The following MDFIC variants were observed in gnomAD, a reference collection of about 807,000 sequenced individuals.
The protein encoded by MDFIC is myoD family inhibitor domain-containing protein.
MDFIC carries 17 observed loss-of-function variants against 23.2 expected under a neutral mutation model. That is an observed-to-expected ratio of 0.73 (90% confidence interval 0.50 to 1.10). MDFIC has a LOEUF of 1.10. Ranked by LOEUF, MDFIC falls within the 50% of genes least tolerant of loss-of-function variation. The pLI is 0.00. For synonymous variants in MDFIC, 120 were observed against 115.2 expected, an observed-to-expected ratio of 1.04 and a Z score of -0.27; for missense variants, 356 against 316.6, an observed-to-expected ratio of 1.12 and a Z score of -0.95.
chr7:114,934,946 C>T (rs1328656603), intron 2 of MDFIC, among the ~76,000 whole-genome samples: 2 of 151,918 alleles, frequency 1.3e-5, no homozygotes, highest in African/African-American at 2.4e-5. Context: ...GTTTTTGGAT[C>T]AGTGAAGAAG....
rs2115961974 is a variant in MDFIC, at chr7:114,979,771, T to C, written c.483T>C (p.Ser161=). ...VNAVFSQKTG[S]SPEDCCVHCI... Reference sequence around the variant, plus strand: ...CTGTCTTTTCCCAAAAGACAGGCTCTTCACCTGAAGGTAAGTTTGAGATAT... The same window carrying C: ...CTGTCTTTTCCCAAAAGACAGGCTCCTCACCTGAAGGTAAGTTTGAGATAT... The change falls in exon 4 of 5, where the codon TCT becomes TCC. Residue 161 remains serine (S), a synonymous_variant. Transcript: ENST00000393486. The C allele has an allele frequency of 6.2e-7, 1 of 1,613,434 alleles. No homozygotes were observed. The highest frequency in any genetic ancestry group is 2.2e-5 in the East Asian group (1 of 44,872).
At chr7:115,011,731 A>T (rs1181493658) in intron 4 of MDFIC, among the ~76,000 whole-genome samples, 1 of 152,232 alleles carries the variant, frequency 6.6e-6, no homozygotes, top group Non-Finnish European at 1.5e-5. Context: ...TGGAAGAAAT[A>T]TTAATTCTCA....
chr7:114,956,348 T>TAC (rs35201842), intron 3 of MDFIC, among the ~76,000 whole-genome samples: 86 of 120,166 alleles, frequency 7.2e-4, no homozygotes, highest in East Asian at 6.9e-3. Context: ...TATATATATA[T>TAC]ACACACACAC....
chr7:114,968,291 A>G (rs966234949), intron 3 of MDFIC, among the ~76,000 whole-genome samples: 4 of 152,218 alleles, frequency 2.6e-5, no homozygotes, highest in Non-Finnish European at 4.4e-5. Flanking sequence ...AAATTAAAAC[A>G]TGGGCAAGAT....
At chr7:114,967,830 C>CTTTTTTTTTTTTTTT (rs56343596) in intron 3 of MDFIC, among the ~76,000 whole-genome samples, 5 of 118,806 alleles carry the variant, frequency 4.2e-5, no homozygotes, top group East Asian at 2.3e-4. Flanking sequence ...TCTTTCTTTT[C>CTTTTTTTTTTTTTTT]TTTTTTTTTT....
chr7:114,927,799 C>A (rs755387855), intron 2 of MDFIC, among the ~76,000 whole-genome samples: 2 of 151,992 alleles, frequency 1.3e-5, no homozygotes, highest in African/African-American at 2.4e-5. Context: ...ATATTTAGTT[C>A]CCTAATAAAA....
chr7:114,936,084 A>G (rs758282999), intron 2 of MDFIC, among the ~76,000 whole-genome samples: 3 of 152,130 alleles, frequency 2.0e-5, no homozygotes, highest in African/African-American at 4.8e-5. Flanking sequence ...TGTTATTCCC[A>G]TTTAAAGTTG....
chr7:114,928,301 A>C (rs1391641848), intron 2 of MDFIC, among the ~76,000 whole-genome samples: 1 of 152,108 alleles, frequency 6.6e-6, no homozygotes, highest in Non-Finnish European at 1.5e-5. Context: ...ACTGTTTAAG[A>C]ACTGTGAAAA....
At chr7:114,996,854 G>A (rs1232883845) in intron 4 of MDFIC, among the ~76,000 whole-genome samples, 1 of 152,124 alleles carries the variant, frequency 6.6e-6, no homozygotes, top group African/African-American at 2.4e-5. Context: ...AAGTGCAAAA[G>A]TACTCCAAAA....
chr7:115,005,584 T>C (rs1237216883), intron 4 of MDFIC, among the ~76,000 whole-genome samples: 6 of 152,158 alleles, frequency 3.9e-5, no homozygotes. Context: ...TTTTACCTTA[T>C]TTTCCCCAAT....
intron 2 of MDFIC, 23 bp from the exon 3 acceptor site, chr7:114,942,243 CAATTATATT>C: frequency 1.6e-6 from 2 of 1,267,564 alleles, no homozygotes; most frequent in Non-Finnish European, 2.1e-6. Flanking sequence ...TATATAAAAT[CAATTATATT>C]AAATGTATCT....
rs1051794353 is a variant in MDFIC at position 114,940,430 on chromosome 7, T to C, written c.95-1845T>C. ...ACACGGTTGACTAACAACTTCTGTT[T>C]GAATCTCTTTCCTTTCTTTGCTTCC... is the stretch of plus-strand genomic sequence containing the variant. On this transcript the variant is annotated intron_variant, in intron 2 of 4. Transcript: ENST00000393486. Among the ~76,000 whole-genome samples the C allele has an allele frequency of 5.3e-5, 8 of 152,272 alleles. No individual in the cohort carries two copies. In the East Asian group the frequency reaches 7.7e-4, roughly 15 times the overall value.
At chr7:114,930,373 C>T (rs552610681) in intron 2 of MDFIC, among the ~76,000 whole-genome samples, 4 of 152,268 alleles carry the variant, frequency 2.6e-5, no homozygotes, top group Non-Finnish European at 4.4e-5. Context: ...TTATGTTAAC[C>T]GGTCTTGTAT....
intron 4 of MDFIC, among the ~76,000 whole-genome samples, chr7:115,007,630 GTATATATATATA>G (rs10528546): frequency 0.019 from 2,518 of 132,910 alleles, 59 homozygotes; most frequent in Non-Finnish European, 0.024. Context: ...GCGTGTGTGT[GTATATATATATA>G]TATATATATA....
At chr7:114,951,919 C>T (rs767279473) in intron 3 of MDFIC, among the ~76,000 whole-genome samples, 1 of 152,026 alleles carries the variant, frequency 6.6e-6, no homozygotes, top group Non-Finnish European at 1.5e-5. Context: ...TGCAGGGTCT[C>T]TTGTTAAAAT....
chr7:115,018,571 T>A lies in MDFIC; in HGVS notation c.*2636T>A, dbSNP rs550783298. ...TAGGCAAATGTGAAAATAGTTTCAA[T>A]ATATCTTATGATTTCTTAATGTAAA... On this transcript the variant is annotated 3_prime_UTR_variant, in exon 5 of 5. Coordinates refer to ENST00000393486, the MANE Select transcript of MDFIC (RefSeq NM_001166345.3). The A allele has an allele frequency of 6.6e-6, 1 of 152,560 alleles. No individual in the cohort carries two copies. Among genetic ancestry groups the A allele is most frequent in the South Asian group, 2.1e-4 (1 of 4,826 alleles). 9.5% of individuals were successfully genotyped at this position (152,560 alleles called of 1,614,324 possible). A position where few individuals can be genotyped will look rare whatever the true frequency, so the allele number is the denominator to read the frequency against.
intron 2 of MDFIC, among the ~76,000 whole-genome samples, chr7:114,926,394 A>G (rs543618125): frequency 1.3e-5 from 2 of 152,354 alleles, no homozygotes; most frequent in South Asian, 4.1e-4. Flanking sequence ...ATTGTGATAA[A>G]TGCAGTTGAA....
rs747270907 is a variant in MDFIC, at chr7:114,942,324, T to C, written c.144T>C (p.Asn48=). ...AGAAAGATATAACTCAAGCTACCAA[T>C]AGCCACTTCACACATGGAGAGATGC... ...NTEKDITQAT[N]SHFTHGEMQD... is the part of the protein sequence containing the mutation. The change falls in exon 3 of 5, where the codon AAT becomes AAC. Residue 48 remains asparagine, a synonymous_variant. Transcript: ENST00000393486. 8.8e-6 allele frequency: 14 copies of C among 1,597,214 alleles called. No homozygotes were observed. In the Admixed American group the frequency reaches 2.2e-4, roughly 25 times the overall value.
At chr7:114,966,336 G>T (rs1224793370) in intron 3 of MDFIC, among the ~76,000 whole-genome samples, 1 of 143,396 alleles carries the variant, frequency 7.0e-6, no homozygotes, top group Non-Finnish European at 1.5e-5. Context: ...TGAGCCTGTT[G>T]TTACTTCTGA....
Sources: allele counts gnomAD v4.1 joint callset (sites outside exome capture counted in the v4.1 genomes callset), GRCh38; gene constraint gnomAD v4.1.1; transcripts MANE v1.5; gene names NCBI Gene and HGNC (gene_info 2026-07-23, HGNC 2026-07-21).